Variants in MATN2 observed in about 807,000 individuals in gnomAD.
MATN2 encodes the protein matrilin 2.
In MATN2, 69 loss-of-function variants were observed where a neutral mutation model predicts 103.2. The observed-to-expected ratio is 0.67, with a 90% CI of 0.55 to 0.82. The LOEUF (loss-of-function observed/expected upper bound fraction) is 0.82, where lower values mean the gene tolerates loss of function less well. Ranked by LOEUF, MATN2 falls within the 40% of genes least tolerant of loss-of-function variation. The pLI is 0.00. For synonymous variants in MATN2, 429 were observed against 450.2 expected (o/e 0.95, Z 0.60); for missense variants, 1,023 against 1,211.5 (o/e 0.84, Z 2.31).
intron 2 of MATN2, among the ~76,000 whole-genome samples, chr8:97,919,976 G>A (rs1415472049): frequency 1.3e-5 from 2 of 152,202 alleles, no homozygotes; most frequent in Non-Finnish European, 2.9e-5. Context: ...GGGAGCAGAG[G>A]GCATGCCTAG....
At chr8:97,907,967 GTC>G (rs1320896917) in intron 2 of MATN2, among the ~76,000 whole-genome samples, 1 of 152,100 alleles carries the variant, frequency 6.6e-6, no homozygotes, top group Non-Finnish European at 1.5e-5. Flanking sequence ...GTGAAACCTT[GTC>G]TCTACTAAAA....
chr8:97,904,179 G>T (rs1484160833), intron 2 of MATN2, among the ~76,000 whole-genome samples: 1 of 152,192 alleles, frequency 6.6e-6, no homozygotes, highest in African/African-American at 2.4e-5. Context: ...GTAGGTATTA[G>T]CTATTCCTTA....
At chr8:97,939,028 C>T (rs1810469017) in intron 3 of MATN2, among the ~76,000 whole-genome samples, 1 of 151,994 alleles carries the variant, frequency 6.6e-6, no homozygotes, top group Admixed American at 6.6e-5. Flanking sequence ...TGCCACCATT[C>T]CTGACTACTT....
intron 5 of MATN2, among the ~76,000 whole-genome samples, chr8:97,964,652 C>T (rs1454547123): frequency 3.9e-5 from 6 of 152,006 alleles, no homozygotes; most frequent in Non-Finnish European, 8.8e-5. Flanking sequence ...CTAGGCTGGT[C>T]TCAATCTCCT....
At chr8:97,975,420 T>C (rs1040879749) in intron 5 of MATN2, among the ~76,000 whole-genome samples, 11 of 152,158 alleles carry the variant, frequency 7.2e-5, no homozygotes, top group African/African-American at 2.7e-4. Flanking sequence ...ATTACATTAG[T>C]CTAAATTACG....
In MATN2 at chr8:97,955,212, G is replaced by A. The variant is rs78428595; in HGVS notation, c.836-6196G>A. Among the ~76,000 whole-genome samples the A allele has an allele frequency of 6.3e-3, 959 of 152,322 alleles. 10 individuals carry two copies. Among genetic ancestry groups the A allele is most frequent in the African/African-American group, 0.02 (841 of 41,560 alleles). On this transcript the variant is annotated intron_variant, in intron 4 of 18. Coordinates refer to ENST00000254898, the MANE Select transcript of MATN2 (RefSeq NM_002380.5). ...AGTTTTTGGACTCCATCCTAAAGCA[G>A]TGATAAGCCATTAAGGGTTTTAAGC...
At chr8:97,893,383 C>T (rs968119611) in intron 2 of MATN2, among the ~76,000 whole-genome samples, 1 of 152,120 alleles carries the variant, frequency 6.6e-6, no homozygotes, top group Non-Finnish European at 1.5e-5. Context: ...CTCAAGGGGG[C>T]GCTAACTGGA....
chr8:97,938,315 A>G (rs998390021), intron 3 of MATN2, among the ~76,000 whole-genome samples: 18 of 152,194 alleles, frequency 1.2e-4, no homozygotes, highest in African/African-American at 4.3e-4. Flanking sequence ...TGGGATAATG[A>G]TTACCCCTCA....
chr8:97,894,277 G>A (rs540639445), intron 2 of MATN2, among the ~76,000 whole-genome samples: 1 of 141,978 alleles, frequency 7.0e-6, no homozygotes, highest in South Asian at 2.4e-4. Context: ...ACTCATAACA[G>A]TTAATTTACT....
intron 1 of MATN2, among the ~76,000 whole-genome samples, chr8:97,883,655 C>T (rs545612413): frequency 5.3e-5 from 8 of 151,772 alleles, no homozygotes; most frequent in African/African-American, 9.7e-5. Context: ...TGGGTTTACA[C>T]CATTCTCCTG....
At chr8:97,909,701 G>A (rs907474400) in intron 2 of MATN2, among the ~76,000 whole-genome samples, 5 of 152,220 alleles carry the variant, frequency 3.3e-5, no homozygotes, top group Admixed American at 3.3e-4. Flanking sequence ...AAGTAACAAG[G>A]GGGCCTTTAG....
At chr8:97,973,486 T>C (rs1018747139) in intron 5 of MATN2, among the ~76,000 whole-genome samples, 1 of 151,986 alleles carries the variant, frequency 6.6e-6, no homozygotes, top group Admixed American at 6.6e-5. Flanking sequence ...TTAAAACACA[T>C]AAATGTATAC....
intron 13 of MATN2, among the ~76,000 whole-genome samples, chr8:98,027,185 G>A (rs1444561923): frequency 3.3e-5 from 5 of 151,898 alleles, no homozygotes; most frequent in Admixed American, 3.3e-4. Flanking sequence ...CTGCCGTTTT[G>A]CTTGTGAAAA....
intron 13 of MATN2, chr8:98,025,101 A>G (rs777476097): frequency 6.6e-6 from 1 of 152,258 alleles, no homozygotes; most frequent in Non-Finnish European, 1.5e-5. Flanking sequence ...AGCCACATGC[A>G]TGCTGCCTGA....
At chr8:98,015,667 G>T (rs1374300028) in intron 10 of MATN2, among the ~76,000 whole-genome samples, 2 of 152,244 alleles carry the variant, frequency 1.3e-5, no homozygotes, top group Admixed American at 1.3e-4. Flanking sequence ...CAGCCCAGTA[G>T]CCACTCTCCA....
chr8:97,941,348 G>T (rs966211964), intron 3 of MATN2, among the ~76,000 whole-genome samples: 1 of 151,988 alleles, frequency 6.6e-6, no homozygotes, highest in Non-Finnish European at 1.5e-5. Context: ...AGAAACTGTT[G>T]GTTCTTTAAC....
intron 3 of MATN2, 93 bp from the exon 4 acceptor site, chr8:97,941,681 AGAG>A: frequency 2.2e-6 from 3 of 1,392,332 alleles, no homozygotes; most frequent in Non-Finnish European, 3.0e-6. Flanking sequence ...AGTCCTGCCC[AGAG>A]GAGAGAGTAG....
chr8:97,885,107 T>G (rs1335740745), intron 1 of MATN2, among the ~76,000 whole-genome samples: 1 of 152,218 alleles, frequency 6.6e-6, no homozygotes, highest in Non-Finnish European at 1.5e-5. Flanking sequence ...CCAAACCACA[T>G]GCAATGATGT....
intron 6 of MATN2, among the ~76,000 whole-genome samples, chr8:97,994,060 GAAAGAAAGAAAGAA>G (rs1386068230): frequency 2.9e-5 from 4 of 139,992 alleles, no homozygotes; most frequent in East Asian, 4.2e-4. Flanking sequence ...AAGAGAGAAA[GAAAGAAAGAAAGAA>G]AAAGAAAGAA....
Sources: allele counts gnomAD v4.1 joint callset (sites outside exome capture counted in the v4.1 genomes callset), GRCh38; gene constraint gnomAD v4.1.1; transcripts MANE v1.5; gene names NCBI Gene and HGNC (gene_info 2026-07-23, HGNC 2026-07-21).